UTP18: variants seen among roughly 807,000 people sequenced by gnomAD.
The protein encoded by UTP18 is U3 small nucleolar RNA-associated protein 18 homolog.
In UTP18, 36 loss-of-function variants were observed where a neutral mutation model predicts 61.1. The ratio of observed to expected loss-of-function variants is 0.59; its 90% CI spans 0.45 to 0.78. The LOEUF is 0.78. Ranked by LOEUF, UTP18 falls within the 30% of genes least tolerant of loss-of-function variation. The pLI, the probability that UTP18 is intolerant of heterozygous loss-of-function variation, is 0.00. For synonymous variants in UTP18, 282 were observed against 251.1 expected (o/e 1.12, Z -1.16); for missense variants, 753 against 693.9 (o/e 1.09, Z -0.96).
intron 9 of UTP18, among the ~76,000 whole-genome samples, chr17:51,281,047 G>A (rs1356627470): frequency 6.7e-6 from 1 of 150,370 alleles, no homozygotes; most frequent in African/African-American, 2.5e-5. Context: ...GCATGCTGGC[G>A]CTCGCCTGTA....
intron 12 of UTP18, among the ~76,000 whole-genome samples, chr17:51,295,574 C>T (rs1356360482): frequency 2.0e-5 from 3 of 152,266 alleles, no homozygotes; most frequent in East Asian, 1.9e-4. Context: ...TGTTTTGGTA[C>T]CAGTACCCTG....
intron 5 of UTP18, among the ~76,000 whole-genome samples, chr17:51,274,860 A>G (rs1001635570): frequency 2.0e-5 from 3 of 151,934 alleles, no homozygotes; most frequent in Admixed American, 6.6e-5. Flanking sequence ...TATGAGGACA[A>G]TTCATTTAGC....
intron 2 of UTP18, among the ~76,000 whole-genome samples, chr17:51,263,624 C>T (rs1375489412): frequency 6.6e-6 from 1 of 152,132 alleles, no homozygotes; most frequent in Non-Finnish European, 1.5e-5. Context: ...TAAGAGAATA[C>T]AGTGTTTGAA....
At chr17:51,284,084 A>G (rs144923292) in intron 9 of UTP18, among the ~76,000 whole-genome samples, 50 of 152,376 alleles carry the variant, frequency 3.3e-4, no homozygotes, top group African/African-American at 1.1e-3. Context: ...ATATAAGGCA[A>G]AGGTTTTAAT....
At position 51,260,835 on chromosome 17, in the gene UTP18, A is replaced by G. The variant is rs1265329459; in HGVS notation, c.251A>G (p.Lys84Arg). 13 of 1,598,316 alleles carry G rather than the reference A, an allele frequency of 8.1e-6. No homozygotes were observed. The highest frequency in any genetic ancestry group is 1.0e-5 in the Non-Finnish European group (12 of 1,173,428). ...QRNRLRLEED[K>R]PAVERCLEEL... is the part of the protein sequence containing the mutation. ...AACCGCCTGAGGCTGGAGGAGGACA[A>G]ACCGGCCGTGGAGCGGTGCTTGGAG... The change falls in exon 1 of 14, where the codon AAA becomes AGA. Residue 84 changes from lysine to arginine, a missense_variant. By Grantham distance (26) the Lys-to-Arg change is conservative (BLOSUM62 2). Coordinates refer to ENST00000225298, the MANE Select transcript of UTP18 (RefSeq NM_016001.3).
At chr17:51,280,554 G>A in intron 9 of UTP18, 75 bp downstream of exon 9, 1 of 1,411,708 alleles carries the variant, frequency 7.1e-7, no homozygotes, top group Non-Finnish European at 9.9e-7. Context: ...TGGCTCACGT[G>A]TGTAATCCCA....
At chr17:51,279,357 A>G (rs1016231347) in intron 7 of UTP18, among the ~76,000 whole-genome samples, 1 of 152,178 alleles carries the variant, frequency 6.6e-6, no homozygotes, top group African/African-American at 2.4e-5. Flanking sequence ...CAGTCATGGA[A>G]AAAGAGACAT....
At chr17:51,271,810 G>A (rs966258268) in intron 4 of UTP18, among the ~76,000 whole-genome samples, 2 of 151,924 alleles carry the variant, frequency 1.3e-5, no homozygotes, top group African/African-American at 4.8e-5. Context: ...TGGGATTACA[G>A]GTGTGCACTA....
chr17:51,272,878 G>C (rs1598477424), intron 4 of UTP18, among the ~76,000 whole-genome samples: 1 of 152,250 alleles, frequency 6.6e-6, no homozygotes, highest in Middle Eastern at 3.4e-3. Flanking sequence ...TCATCTCCAG[G>C]GGGAAAAGCA....
intron 9 of UTP18, among the ~76,000 whole-genome samples, chr17:51,281,628 T>C (rs1904928520): frequency 2.0e-5 from 3 of 151,904 alleles, no homozygotes. Flanking sequence ...ACAGGAGGGG[T>C]CCTTGTGGTG....
intron 6 of UTP18, among the ~76,000 whole-genome samples, chr17:51,276,521 T>C (rs989582958): frequency 2.0e-5 from 3 of 152,230 alleles, no homozygotes; most frequent in African/African-American, 7.2e-5. Flanking sequence ...AGCGATAATA[T>C]AACCTCATGA....
chr17:51,293,116 C>T (rs1465854785), intron 11 of UTP18, among the ~76,000 whole-genome samples: 7 of 152,116 alleles, frequency 4.6e-5, no homozygotes, highest in African/African-American at 1.7e-4. Flanking sequence ...TCTCTTTTCC[C>T]TGTGATCAGA....
chr17:51,277,647 CTG>C (rs1904776345), intron 7 of UTP18, among the ~76,000 whole-genome samples: 1 of 152,170 alleles, frequency 6.6e-6, no homozygotes, highest in Non-Finnish European at 1.5e-5. Flanking sequence ...TTTGGACAAA[CTG>C]TTTCACCTCT....
At chr17:51,278,480 G>A (rs1904805023) in intron 7 of UTP18, among the ~76,000 whole-genome samples, 1 of 152,248 alleles carries the variant, frequency 6.6e-6, no homozygotes, top group Non-Finnish European at 1.5e-5. Context: ...AGCGCACCAT[G>A]CGTTGGCCAA....
Position 51,277,254 on chromosome 17 carries a change from A to G in UTP18, c.962A>G (p.Tyr321Cys), listed in dbSNP as rs1904759201. The G allele has an allele frequency of 1.9e-6, 3 of 1,614,216 alleles. No individual in the cohort carries two copies. The highest frequency in any genetic ancestry group is 2.5e-6 in the Non-Finnish European group (3 of 1,180,040). The change falls in exon 7 of 14, where the codon TAT becomes TGT. Residue 321 changes from tyrosine (Y) to cysteine (C), a missense_variant. Physicochemically the swap from Tyr to Cys is radical, Grantham distance 194. Transcript: ENST00000225298. ...ACGAGTACCCACAGCAAGGTTCTTT[A>G]TGTCTATGACATGCTGGCTGGAAAG... is the stretch of plus-strand genomic sequence containing the variant. The part of the protein sequence containing the change: ...LATSTHSKVL[Y>C]VYDMLAGKLI...
chr17:51,286,632 G>C (rs963517618), intron 10 of UTP18: 3 of 453,654 alleles, frequency 6.6e-6, no homozygotes, highest in African/African-American at 6.0e-5. Context: ...CCCTTGGAGG[G>C]AGAGTGCCCT....
At chr17:51,273,491 A>C (rs1295678209) in intron 5 of UTP18, 41 bp downstream of exon 5, 1 of 1,459,056 alleles carries the variant, frequency 6.9e-7, no homozygotes, top group Non-Finnish European at 9.4e-7. Flanking sequence ...CTAACTACTT[A>C]CCTCTGCAGT....
intron 13 of UTP18, 63 bp downstream of exon 13, chr17:51,297,066 G>T: frequency 2.9e-6 from 4 of 1,402,090 alleles, no homozygotes; most frequent in Non-Finnish European, 3.9e-6. Flanking sequence ...CTGTCAGTTG[G>T]TGGAAGCAGC....
rs554139735 is a variant in UTP18 at position 51,290,825 on chromosome 17, A to G, written c.1503+2622A>G. Among the ~76,000 whole-genome samples, 5 of 152,382 alleles carry G rather than the reference A, an allele frequency of 3.3e-5. No homozygotes were observed. In the East Asian group the frequency reaches 7.7e-4, roughly 23 times the overall value. On this transcript the variant is annotated intron_variant, in intron 11 of 13. Transcript: ENST00000225298. Reference sequence around the variant, plus strand: ...AATATCTAATGGAAAGAAGCCAGGCATAGCAGCTCCATATAATGCCTTGTA... The same window carrying G: ...AATATCTAATGGAAAGAAGCCAGGCGTAGCAGCTCCATATAATGCCTTGTA...
Sources: allele counts gnomAD v4.1 joint callset (sites outside exome capture counted in the v4.1 genomes callset), GRCh38; gene constraint gnomAD v4.1.1; transcripts MANE v1.5; gene names NCBI Gene and HGNC (gene_info 2026-07-23, HGNC 2026-07-21).